The following PANX2 variants were observed in gnomAD, a reference collection of about 807,000 sequenced individuals.
The protein encoded by PANX2 is pannexin-2.
A neutral mutation model predicts 38.7 loss-of-function variants in PANX2; 30 were observed. That is an observed-to-expected ratio of 0.78 (90% CI 0.58 to 1.05). The LOEUF is 1.05. PANX2 is among the 50% of genes least tolerant of loss of function. The pLI, the probability that PANX2 is intolerant of heterozygous loss-of-function variation, is 0.00. For missense variants in PANX2, 880 were observed against 979.3 expected (o/e 0.90, Z 1.35); for synonymous variants, 539 against 472.1 (o/e 1.14, Z -1.84).
chr22:50,179,019 C>CTCACT lies in PANX2; in HGVS notation c.1780_1781insTTCAC (p.Pro594LeufsTer12). On this transcript the variant is annotated frameshift_variant, in exon 3 of 3. Coordinates refer to ENST00000395842, the MANE Select transcript of PANX2 (RefSeq NM_052839.4). LOFTEE classifies it high-confidence loss of function. ...CCTCGGGGGGCCCGTTCCACGTCCG[C>CTCACT]TCACCTCCCGCCGCCCCTGCTGTGG... The CTCACT allele has an allele frequency of 6.2e-7, 1 of 1,610,638 alleles. No homozygotes were observed. Among genetic ancestry groups the CTCACT allele is most frequent in the Non-Finnish European group, 8.5e-7 (1 of 1,178,950 alleles).
At chr22:50,176,275 T>A (rs2063660789) in intron 1 of PANX2, among the ~76,000 whole-genome samples, 1 of 152,242 alleles carries the variant, frequency 6.6e-6, no homozygotes, top group African/African-American at 2.4e-5. Flanking sequence ...TGCCTGCAGT[T>A]CAAGGGACTC....
intron 1 of PANX2, among the ~76,000 whole-genome samples, chr22:50,173,367 G>C (rs367874227): frequency 6.6e-6 from 1 of 152,242 alleles, no homozygotes; most frequent in Non-Finnish European, 1.5e-5. Flanking sequence ...GGAAGCGAGC[G>C]CTCTGCCCCC....
At chr22:50,175,556 C>T in intron 1 of PANX2, 1 of 738,454 alleles carries the variant, frequency 1.4e-6, no homozygotes, top group Non-Finnish European at 2.0e-6. Flanking sequence ...CTTCTCTGAG[C>T]CCAGCTCATC....
At chr22:50,174,116 G>A (rs942730502) in intron 1 of PANX2, among the ~76,000 whole-genome samples, 1 of 152,194 alleles carries the variant, frequency 6.6e-6, no homozygotes, top group Non-Finnish European at 1.5e-5. Context: ...GCAGTGGTCT[G>A]GGGTGACCAG....
In PANX2 at chr22:50,177,930, C is replaced by G; in HGVS notation, c.1218C>G (p.Asp406Glu). 4 of 1,531,778 alleles carry G rather than the reference C, an allele frequency of 2.6e-6. No individual in the cohort carries two copies. The highest frequency in any genetic ancestry group is 3.5e-6 in the Non-Finnish European group (4 of 1,143,696). 94.9% of individuals were successfully genotyped at this position (1,531,778 alleles called of 1,614,324 possible). A position where few individuals can be genotyped will look rare whatever the true frequency, so the allele number is the denominator to read the frequency against. ...GCGACTCGGGGGTGCAGACCGTGGACCCCAGCGCCAACCCCGCCGAGCCCG... is the reference window on the plus strand; with the variant it reads ...GCGACTCGGGGGTGCAGACCGTGGAGCCCAGCGCCAACCCCGCCGAGCCCG... ...TVRDSGVQTV[D>E]PSANPAEPDG... The change falls in exon 2 of 3, where the codon GAC becomes GAG. Residue 406 changes from aspartate to glutamate, a missense_variant. By Grantham distance (45) the Asp-to-Glu change is conservative (BLOSUM62 2). This residue lies in a region of PANX2 where 445 missense variants were observed against 404.3 expected (regional missense o/e 1.10). Transcript: ENST00000395842.
rs2063665302 is a variant in PANX2 at position 50,177,094 on chromosome 22, C to G, written c.382C>G (p.Leu128Val). 1 of 1,610,840 alleles carries G rather than the reference C, an allele frequency of 6.2e-7. No individual in the cohort carries two copies. The highest frequency in any genetic ancestry group is 8.5e-7 in the Non-Finnish European group (1 of 1,179,088). ...TGAGCACAAGTTCCTGCCCTACGCG[C>G]TGCTGGCCTTCGCCGCCATCATGTA... ...LFEHKFLPYA[L>V]LAFAAIMYVP... The change falls in exon 2 of 3, where the codon CTG (leucine) becomes GTG (valine). Residue 128 changes from leucine to valine, a missense_variant. Transcript: ENST00000395842.
In PANX2 at chr22:50,178,102, C is replaced by T; in HGVS notation, c.1390C>T (p.Arg464Cys). ...CAAGGCGGAGAAGCCGAAGCCCGCGCGCAGGAAGACGGCCACGGACACGCT... is the reference window on the plus strand; with the variant it reads ...CAAGGCGGAGAAGCCGAAGCCCGCGTGCAGGAAGACGGCCACGGACACGCT... Reference protein sequence around the residue: ...NSKAEKPKPARRKTATDTLIA... With the variant: ...NSKAEKPKPACRKTATDTLIA... Residue 464 changes from arginine (R) to cysteine (C), a missense_variant, in exon 2 of 3, where the codon CGC becomes TGC. This residue lies in a region of PANX2 where 445 missense variants were observed against 404.3 expected (regional missense o/e 1.10). Coordinates refer to ENST00000395842, the MANE Select transcript of PANX2 (RefSeq NM_052839.4). The T allele has an allele frequency of 2.6e-6, 4 of 1,546,098 alleles. No homozygotes were observed. Among genetic ancestry groups the T allele is most frequent in the Non-Finnish European group, 3.5e-6 (4 of 1,154,908 alleles).
At position 50,173,663 on chromosome 22, in the gene PANX2, T is replaced by C. The variant is rs2063646962; in HGVS notation, c.226+2707T>C. ...CTTCCTGTGGCTGCTGGAACAAACC[T>C]ACAAGTCAGAAGCCAGATGCGAGTC... On this transcript the variant is annotated intron_variant, in intron 1 of 2. Transcript: ENST00000395842. 2.0e-5 allele frequency among the ~76,000 whole-genome samples: 3 copies of C among 152,192 alleles called. No individual in the cohort carries two copies. In the South Asian group the frequency reaches 6.2e-4, roughly 31 times the overall value.
rs560734872 is a variant in PANX2 at position 50,171,519 on chromosome 22, G to A, written c.226+563G>A. 3.3e-5 allele frequency among the ~76,000 whole-genome samples: 5 copies of A among 152,330 alleles called. No homozygotes were observed. The South Asian group carries it at 1.0e-3, about 32-fold the overall frequency. On this transcript the variant is annotated intron_variant, in intron 1 of 2. Transcript: ENST00000395842. ...GGTTTGAAGCAGGGGGGCTAGCATG[G>A]GGCAGGGCCACGTGTCAGAGCAGGG...
At chr22:50,173,253 G>A (rs1055223632) in intron 1 of PANX2, among the ~76,000 whole-genome samples, 18 of 152,152 alleles carry the variant, frequency 1.2e-4, no homozygotes, top group African/African-American at 4.1e-4. Context: ...GGCTGGTCTC[G>A]ATCTCCTGAT....
Position 50,177,937 on chromosome 22 carries a change from G to A in PANX2, c.1225G>A (p.Ala409Thr). The A allele has an allele frequency of 1.3e-6, 2 of 1,531,544 alleles. No individual in the cohort carries two copies. The highest frequency in any genetic ancestry group is 1.7e-6 in the Non-Finnish European group (2 of 1,143,604). 94.9% of individuals were successfully genotyped at this position (1,531,544 alleles called of 1,614,324 possible). The change falls in exon 2 of 3, where the codon GCC becomes ACC. Residue 409 changes from alanine to threonine, a missense_variant. Physicochemically the swap from Ala to Thr is moderately conservative, Grantham distance 58 (BLOSUM62 0). Transcript: ENST00000395842. ...DSGVQTVDPS[A>T]NPAEPDGAAE... Reference sequence around the variant, plus strand: ...GGGGGTGCAGACCGTGGACCCCAGCGCCAACCCCGCCGAGCCCGACGGCGC... The same window carrying A: ...GGGGGTGCAGACCGTGGACCCCAGCACCAACCCCGCCGAGCCCGACGGCGC...
Position 50,177,519 on chromosome 22 carries a change from AGGTGCGGGGCCCGC to A in PANX2, c.814_827del (p.Gly272ArgfsTer230). On this transcript the variant is annotated frameshift_variant, in exon 2 of 3. Transcript: ENST00000395842. LOFTEE classifies it high-confidence loss of function. ...TGGGCGCGTCCCCGGACGGGGCGGC[AGGTGCGGGGCCCGC>A]GGTGCGCGTGAGCTGCAAGCTCCCG... The A allele has an allele frequency of 6.2e-7, 1 of 1,609,766 alleles. No homozygotes were observed. Among genetic ancestry groups the A allele is most frequent in the Non-Finnish European group, 8.5e-7 (1 of 1,178,414 alleles).
intron 1 of PANX2, among the ~76,000 whole-genome samples, chr22:50,173,988 T>G (rs1325212031): frequency 6.6e-6 from 1 of 152,026 alleles, no homozygotes; most frequent in Non-Finnish European, 1.5e-5. Context: ...GGGGTTGGGA[T>G]GTGGCATCTT....
Position 50,170,917 on chromosome 22 carries a change from A to C in PANX2, c.187A>C (p.Ile63Leu). The change falls in exon 1 of 3, where the codon ATC (isoleucine) becomes CTC (leucine). Residue 63 changes from isoleucine to leucine, a missense_variant. Coordinates refer to ENST00000395842, the MANE Select transcript of PANX2 (RefSeq NM_052839.4). The stretch of plus-strand genomic sequence containing the variant: ...CACCATCGGCACCGTGCTGGTGCCC[A>C]TCCTGCTGGTCACCCTGGTCTTCAC... ...VVTIGTVLVP[I>L]LLVTLVFTKN... is the part of the protein sequence containing the mutation. 2 of 1,528,220 alleles carry C rather than the reference A, an allele frequency of 1.3e-6. No individual in the cohort carries two copies. The highest frequency in any genetic ancestry group is 2.4e-5 in the South Asian group (2 of 82,290). The allele number at this position is 1,528,220 out of a possible 1,614,324, so 94.7% of individuals were successfully genotyped here.
chr22:50,175,825 C>T (rs1446411333), intron 1 of PANX2, among the ~76,000 whole-genome samples: 3 of 152,236 alleles, frequency 2.0e-5, no homozygotes, highest in South Asian at 2.1e-4. Context: ...GCCCCTGGGC[C>T]CCTGTGGGGC....
rs2063666377 is a variant in PANX2, at chr22:50,177,226, C to T, written c.514C>T (p.Arg172Cys). Residue 172 changes from arginine (R) to cysteine (C), a missense_variant, in exon 2 of 3, where the codon CGC (arginine) becomes TGC (cysteine). Arg to Cys is a radical substitution (Grantham distance 180). This residue lies in a region of PANX2 where 243 missense variants were observed against 333.1 expected (regional missense o/e 0.73). Coordinates refer to ENST00000395842, the MANE Select transcript of PANX2 (RefSeq NM_052839.4). ...DNCYHRAAEG[R>C]APKIEKQIQS... Reference sequence around the variant, plus strand: ...CTGTTACCACCGGGCGGCCGAGGGCCGCGCGCCCAAGATCGAGAAGCAGAT... The same window carrying T: ...CTGTTACCACCGGGCGGCCGAGGGCTGCGCGCCCAAGATCGAGAAGCAGAT... 2 of 1,611,208 alleles carry T rather than the reference C, an allele frequency of 1.2e-6. No individual in the cohort carries two copies. Among genetic ancestry groups the T allele is most frequent in the Non-Finnish European group, 1.7e-6 (2 of 1,179,164 alleles).
At position 50,174,405 on chromosome 22, in the gene PANX2, G is replaced by T. The variant is rs186175962; in HGVS notation, c.227-2534G>T. ...TCCTGGGGACGGCATTCTGAATATG[G>T]GAATATGGGCCGTGTTGGGGTGTAT... On this transcript the variant is annotated intron_variant, in intron 1 of 2. Coordinates refer to ENST00000395842, the MANE Select transcript of PANX2 (RefSeq NM_052839.4). Among the ~76,000 whole-genome samples the T allele has an allele frequency of 5.9e-5, 9 of 152,324 alleles. No homozygotes were observed. In the East Asian group the frequency reaches 1.7e-3, roughly 29 times the overall value.
chr22:50,173,605 AT>A (rs1392879685), intron 1 of PANX2, among the ~76,000 whole-genome samples: 1 of 152,192 alleles, frequency 6.6e-6, no homozygotes, highest in African/African-American at 2.4e-5. Context: ...AGAGTGGAGA[AT>A]GTAGCAGGTG....
At chr22:50,175,095 C>T (rs1175689058) in intron 1 of PANX2, among the ~76,000 whole-genome samples, 1 of 152,210 alleles carries the variant, frequency 6.6e-6, no homozygotes, top group Non-Finnish European at 1.5e-5. Context: ...GCAAGCAGGA[C>T]TTGGCTTCCC....
Sources: allele counts gnomAD v4.1 joint callset (sites outside exome capture counted in the v4.1 genomes callset), GRCh38; gene constraint gnomAD v4.1.1; regional missense constraint gnomAD v4.1.1; transcripts MANE v1.5; gene names NCBI Gene and HGNC (gene_info 2026-07-23, HGNC 2026-07-21).